Variants in ARHGAP6 observed in about 807,000 individuals in gnomAD.
The protein encoded by ARHGAP6 is rho GTPase-activating protein 6.
ARHGAP6 carries 16 observed loss-of-function variants against 55.7 expected under a neutral mutation model. The ratio of observed to expected loss-of-function variants is 0.29; its 90% CI spans 0.19 to 0.44. ARHGAP6 has a LOEUF of 0.44. Among genes scored for constraint, ARHGAP6 ranks in the 20% least tolerant of loss-of-function variants. ARHGAP6 has a pLI of 1.00. For synonymous variants in ARHGAP6, 382 were observed against 360.9 expected, an observed-to-expected ratio of 1.06 and a Z score of -0.66; for missense variants, 698 against 808.9, an observed-to-expected ratio of 0.86 and a Z score of 1.66.
At chrX:11,193,954 G>A (rs904813582) in intron 3 of ARHGAP6, among the ~76,000 whole-genome samples, 5 of 112,435 alleles carry the variant, frequency 4.4e-5, no homozygotes, top group African/African-American at 1.3e-4. Context: ...TAGCCAAATG[G>A]ACACTTTCTG....
intron 1 of ARHGAP6, among the ~76,000 whole-genome samples, chrX:11,422,731 TAA>T (rs1336604998): frequency 1.8e-5 from 2 of 112,156 alleles, no homozygotes; most frequent in Non-Finnish European, 3.8e-5. Context: ...ACAGGAAAAG[TAA>T]ATAATAAAAG....
At chrX:11,522,951 A>G (rs1005951082) in intron 1 of ARHGAP6, among the ~76,000 whole-genome samples, 38 of 111,659 alleles carry the variant, frequency 3.4e-4, no homozygotes, top group African/African-American at 1.2e-3. Context: ...TTTTAGACCA[A>G]TATCCCTGAT....
chrX:11,256,266 G>C (rs1185143709), intron 1 of ARHGAP6, among the ~76,000 whole-genome samples: 2 of 112,155 alleles, frequency 1.8e-5, no homozygotes, highest in Non-Finnish European at 3.8e-5. Context: ...GCGCATGCCT[G>C]TAGTCCCAGC....
intron 1 of ARHGAP6, among the ~76,000 whole-genome samples, chrX:11,423,997 T>G (rs1333813896): frequency 8.9e-6 from 1 of 112,616 alleles, no homozygotes; most frequent in Non-Finnish European, 1.9e-5. Flanking sequence ...GATACTTAAA[T>G]TTTTAGTTTT....
intron 2 of ARHGAP6, among the ~76,000 whole-genome samples, chrX:11,197,552 C>T (rs1250553214): frequency 1.8e-5 from 2 of 111,968 alleles, no homozygotes; most frequent in African/African-American, 6.5e-5. Flanking sequence ...TTAAATGAAA[C>T]AACACATATA....
chrX:11,344,549 G>A (rs957378883), intron 1 of ARHGAP6, among the ~76,000 whole-genome samples: 1 of 107,468 alleles, frequency 9.3e-6, no homozygotes, highest in Non-Finnish European at 1.9e-5. Flanking sequence ...GTGGTGGCAG[G>A]TGCCTGTAAT....
At chrX:11,371,537 T>C (rs772000823) in intron 1 of ARHGAP6, among the ~76,000 whole-genome samples, 2 of 112,472 alleles carry the variant, frequency 1.8e-5, no homozygotes, top group South Asian at 7.3e-4. Flanking sequence ...TTCATAGATA[T>C]CTTTAATAAT....
intron 2 of ARHGAP6, among the ~76,000 whole-genome samples, chrX:11,201,716 T>G (rs1340222590): frequency 1.8e-5 from 2 of 111,446 alleles, no homozygotes; most frequent in Non-Finnish European, 3.8e-5. Flanking sequence ...CGAGGAGAAG[T>G]GCAGAGTGAA....
At chrX:11,604,516 T>C (rs1452376402) in intron 1 of ARHGAP6, among the ~76,000 whole-genome samples, 1 of 111,448 alleles carries the variant, frequency 9.0e-6, no homozygotes, top group Admixed American at 9.5e-5. Context: ...AGTGTCCCCA[T>C]GAAATCTACA....
intron 4 of ARHGAP6, among the ~76,000 whole-genome samples, chrX:11,186,891 A>G (rs760688684): frequency 1.8e-5 from 2 of 111,664 alleles, no homozygotes; most frequent in African/African-American, 3.3e-5. Context: ...CCGAGAAACA[A>G]CACAAAGTGC....
At chrX:11,165,392 T>A (rs2046004462) in intron 9 of ARHGAP6, among the ~76,000 whole-genome samples, 1 of 110,760 alleles carries the variant, frequency 9.0e-6, no homozygotes, top group African/African-American at 3.3e-5. Flanking sequence ...GGCCTAGGAG[T>A]ATATATGTGT....
intron 1 of ARHGAP6, chrX:11,290,418 G>A (rs770654794): frequency 1.6e-4 from 59 of 375,937 alleles, no homozygotes; most frequent in South Asian, 1.0e-3. Flanking sequence ...TCAAAGTTAC[G>A]ATGTGTATCG....
At chrX:11,303,281 G>A (rs2048193532) in intron 1 of ARHGAP6, among the ~76,000 whole-genome samples, 1 of 112,476 alleles carries the variant, frequency 8.9e-6, no homozygotes. Context: ...AGCCTTAACA[G>A]CAAGGGCCAT....
At chrX:11,532,497 G>C (rs2051061008) in intron 1 of ARHGAP6, among the ~76,000 whole-genome samples, 2 of 112,328 alleles carry the variant, frequency 1.8e-5, no homozygotes, top group Admixed American at 1.9e-4. Context: ...TTACAGGCTG[G>C]CCTAGAAAAA....
intron 1 of ARHGAP6, among the ~76,000 whole-genome samples, chrX:11,663,629 A>G (rs2052723170): frequency 8.9e-6 from 1 of 111,931 alleles, no homozygotes; most frequent in Non-Finnish European, 1.9e-5. Context: ...GCATATTTCC[A>G]TGATCTTTCA....
At chrX:11,145,795 T>C (rs2045681403) in intron 10 of ARHGAP6, among the ~76,000 whole-genome samples, 1 of 112,586 alleles carries the variant, frequency 8.9e-6, no homozygotes. Flanking sequence ...AAACCAAATG[T>C]GGGCTTCTTC....
intron 1 of ARHGAP6, among the ~76,000 whole-genome samples, chrX:11,516,785 A>G (rs2050845888): frequency 8.9e-6 from 1 of 111,737 alleles, no homozygotes; most frequent in African/African-American, 3.3e-5. Flanking sequence ...TAAAGATATG[A>G]TTATGCAAAT....
intron 1 of ARHGAP6, among the ~76,000 whole-genome samples, chrX:11,337,754 ATGT>A (rs1184988811): frequency 8.9e-6 from 1 of 112,587 alleles, no homozygotes; most frequent in African/African-American, 3.2e-5. Context: ...AAGTCAACAG[ATGT>A]TGTCTTACTT....
intron 1 of ARHGAP6, among the ~76,000 whole-genome samples, chrX:11,652,609 C>T (rs2052596694): frequency 1.8e-5 from 2 of 112,351 alleles, no homozygotes; most frequent in South Asian, 7.3e-4. Context: ...CCAACCCGTA[C>T]TTCCCTAGCA....
Sources: allele counts gnomAD v4.1 joint callset (sites outside exome capture counted in the v4.1 genomes callset), GRCh38; gene constraint gnomAD v4.1.1; transcripts MANE v1.5; gene names NCBI Gene and HGNC (gene_info 2026-07-23, HGNC 2026-07-21).